CALN1: variants seen among roughly 807,000 people sequenced by gnomAD.
CALN1 encodes the protein calneuron 1, also known as calcium-binding protein 8.
In CALN1, 17 loss-of-function variants were observed where a neutral mutation model predicts 30.6. The ratio of observed to expected loss-of-function variants is 0.56; its 90% CI spans 0.38 to 0.83. The LOEUF (loss-of-function observed/expected upper bound fraction) is 0.83. Ranked by LOEUF, CALN1 falls within the 40% of genes least tolerant of loss-of-function variation. CALN1 has a pLI of 0.00. For missense variants in CALN1, 291 were observed against 354.9 expected (o/e 0.82, Z 1.45); for synonymous variants, 156 against 131.4 (o/e 1.19, Z -1.28).
At chr7:72,213,377 A>C (rs1309739610) in intron 3 of CALN1, among the ~76,000 whole-genome samples, 1 of 152,152 alleles carries the variant, frequency 6.6e-6, no homozygotes, top group South Asian at 2.1e-4. Context: ...GCAAAACTTT[A>C]TGGGTCAGAG....
chr7:72,255,567 C>A lies in CALN1; in HGVS notation c.244+23119G>T, dbSNP rs371207108. Reference sequence around the variant, plus strand: ...GTAGCTAGGACTACAGGTGCCCCTACCAAGCTTGGCTAGTATTTTTATATT... The same window carrying A: ...GTAGCTAGGACTACAGGTGCCCCTAACAAGCTTGGCTAGTATTTTTATATT... On this transcript the variant is annotated intron_variant, in intron 3 of 6. Transcript: ENST00000395275. Among the ~76,000 whole-genome samples the A allele has an allele frequency of 2.0e-4, 31 of 151,246 alleles. 1 individual carries two copies. In the East Asian group the frequency reaches 6.1e-3, roughly 30 times the overall value.
chr7:72,170,858 T>C lies in CALN1; in HGVS notation c.245-64564A>G, dbSNP rs139313199. Among the ~76,000 whole-genome samples, 646 of 152,274 alleles carry C rather than the reference T, an allele frequency of 4.2e-3. 5 individuals carry two copies. The highest frequency in any genetic ancestry group is 0.015 in the African/African-American group (617 of 41,534). ...TTTAAACAGGATGCTGAACAATGAA[T>C]ATGATTTCACAGAGTCAGCCAGGCA... On this transcript the variant is annotated intron_variant, in intron 3 of 6. Coordinates refer to ENST00000395275, the MANE Select transcript of CALN1 (RefSeq NM_031468.4).
the CALN1 span, among the ~76,000 whole-genome samples, chr7:72,458,821 A>G: frequency 7.5e-6 from 1 of 132,478 alleles, no homozygotes; most frequent in Non-Finnish European, 1.5e-5. Context: ...TGTATTTAAT[A>G]TACAATATAA....
chr7:72,448,656 A>G (rs1808594305), upstream of CALN1, among the ~76,000 whole-genome samples: 1 of 150,762 alleles, frequency 6.6e-6, no homozygotes, highest in Non-Finnish European at 1.5e-5. Context: ...CCCAGGCTGG[A>G]GTGCTGTGGC....
At chr7:71,909,468 A>G (rs765445679) in intron 5 of CALN1, among the ~76,000 whole-genome samples, 1 of 152,182 alleles carries the variant, frequency 6.6e-6, no homozygotes, top group Non-Finnish European at 1.5e-5. Flanking sequence ...CTGCTAATAA[A>G]GGCTTTCTGT....
intron 2 of CALN1, among the ~76,000 whole-genome samples, chr7:72,319,497 A>G (rs1292988948): frequency 1.3e-5 from 2 of 152,158 alleles, no homozygotes; most frequent in African/African-American, 4.8e-5. Context: ...CTCCCACAAC[A>G]TGTGGGAATT....
chr7:72,443,591 C>A (rs1043718770), intron 1 of CALN1, among the ~76,000 whole-genome samples: 1 of 151,956 alleles, frequency 6.6e-6, no homozygotes, highest in Non-Finnish European at 1.5e-5. Context: ...TTCATAGCCA[C>A]CTCTGTTGGG....
At chr7:71,946,591 G>C (rs1265046587) in intron 5 of CALN1, among the ~76,000 whole-genome samples, 1 of 151,922 alleles carries the variant, frequency 6.6e-6, no homozygotes, top group Non-Finnish European at 1.5e-5. Flanking sequence ...TGAACTCCTG[G>C]GCTCAAGCAA....
intron 5 of CALN1, among the ~76,000 whole-genome samples, chr7:72,002,476 G>A (rs975068641): frequency 3.9e-5 from 6 of 152,108 alleles, no homozygotes; most frequent in African/African-American, 1.4e-4. Context: ...TATCACTTTT[G>A]CATCATTATA....
intron 5 of CALN1, among the ~76,000 whole-genome samples, chr7:71,835,816 G>A (rs897917509): frequency 6.6e-6 from 1 of 152,146 alleles, no homozygotes; most frequent in Admixed American, 6.6e-5. Flanking sequence ...AGCAGCCATG[G>A]GGTAGACCAA....
At chr7:72,418,172 A>G (rs947947734) in intron 1 of CALN1, among the ~76,000 whole-genome samples, 5 of 148,446 alleles carry the variant, frequency 3.4e-5, no homozygotes, top group Non-Finnish European at 5.9e-5. Context: ...TGATGTCCAC[A>G]TGTACCCAAT....
At chr7:72,314,373 A>ATG (rs60441102) in intron 2 of CALN1, among the ~76,000 whole-genome samples, 1 of 68,354 alleles carries the variant, frequency 1.5e-5, no homozygotes, top group African/African-American at 3.3e-5. Flanking sequence ...ATACATATAT[A>ATG]CACATATATA....
rs1467763993 is a variant in CALN1, at chr7:72,393,463, C to T, written c.119+9788G>A. On this transcript the variant is annotated intron_variant, in intron 2 of 6. Coordinates refer to ENST00000395275, the MANE Select transcript of CALN1 (RefSeq NM_031468.4). ...TGGGAGAGAGAGCAAGACTCCGTCT[C>T]AAAAAACAAAACAAACAAAAAAACT... Among the ~76,000 whole-genome samples, 4 of 152,042 alleles carry T rather than the reference C, an allele frequency of 2.6e-5. No individual in the cohort carries two copies. In the East Asian group the frequency reaches 7.7e-4, roughly 29 times the overall value.
At chr7:72,138,576 C>T (rs781670320) in intron 3 of CALN1, among the ~76,000 whole-genome samples, 3 of 152,180 alleles carry the variant, frequency 2.0e-5, no homozygotes, top group Non-Finnish European at 2.9e-5. Flanking sequence ...CTTAGCTGGG[C>T]TCTGAAGGTG....
intron 5 of CALN1, among the ~76,000 whole-genome samples, chr7:72,002,648 T>C (rs1799583593): frequency 6.6e-6 from 1 of 152,018 alleles, no homozygotes; most frequent in South Asian, 2.1e-4. Flanking sequence ...ATGTAGAAAA[T>C]CCCAAGAAAT....
chr7:72,373,618 G>A (rs1425170805), intron 2 of CALN1, among the ~76,000 whole-genome samples: 1 of 152,046 alleles, frequency 6.6e-6, no homozygotes, highest in Non-Finnish European at 1.5e-5. Flanking sequence ...AGATATTTTA[G>A]GTAAACTAGG....
chr7:72,097,682 T>C (rs1806337672), intron 4 of CALN1, among the ~76,000 whole-genome samples: 1 of 149,138 alleles, frequency 6.7e-6, no homozygotes, highest in African/African-American at 2.5e-5. Context: ...GAATACAGCT[T>C]TGGAGACAAT....
Position 71,823,591 on chromosome 7 carries a change from G to A in CALN1, c.502-13099C>T, listed in dbSNP as rs1012181030. Among the ~76,000 whole-genome samples, 11 of 152,184 alleles carry A rather than the reference G, an allele frequency of 7.2e-5. No individual in the cohort carries two copies. The East Asian group carries it at 1.4e-3, about 19-fold the overall frequency. ...AAATTAGCCGGGCATGGTGGCAGGCGCCTGTAGTCCCACCTACTTGGGAGA... is the reference window on the plus strand; with the variant it reads ...AAATTAGCCGGGCATGGTGGCAGGCACCTGTAGTCCCACCTACTTGGGAGA... On this transcript the variant is annotated intron_variant, in intron 5 of 6. Transcript: ENST00000395275.
chr7:72,227,395 C>T (rs928802958), intron 3 of CALN1, among the ~76,000 whole-genome samples: 2 of 151,912 alleles, frequency 1.3e-5, no homozygotes, highest in African/African-American at 4.8e-5. Context: ...CAAAAATTAG[C>T]TGGGAGTGGT....
Sources: gnomAD v4.1 joint callset for allele counts (sites outside exome capture counted in the v4.1 genomes callset) on GRCh38, gnomAD v4.1.1 for gene constraint, MANE v1.5 for transcripts, NCBI Gene and HGNC (gene_info 2026-07-23, HGNC 2026-07-21) for gene names.